CALN1: variants seen among roughly 807,000 people sequenced by gnomAD.
The protein encoded by CALN1 is calneuron 1.
Under a neutral mutation model 30.6 loss-of-function variants are expected in CALN1, and 17 were observed. That is an observed-to-expected ratio of 0.56 (90% CI 0.38 to 0.83). The LOEUF is 0.83. Ranked by LOEUF, CALN1 falls within the 40% of genes least tolerant of loss-of-function variation. The probability of loss-of-function intolerance (pLI) is 0.00; values close to 1 mark genes in which losing one functional copy is unlikely to be tolerated. For missense variants in CALN1, 291 were observed against 354.9 expected, an observed-to-expected ratio of 0.82 and a Z score of 1.45; for synonymous variants, 156 against 131.4, an observed-to-expected ratio of 1.19 and a Z score of -1.28.
chr7:72,393,734 C>G (rs1379998016), intron 2 of CALN1, among the ~76,000 whole-genome samples: 1 of 144,792 alleles, frequency 6.9e-6, no homozygotes, highest in Non-Finnish European at 1.5e-5. Flanking sequence ...AGCTTATTGA[C>G]CATAGAGCTT....
chr7:72,125,527 A>T (rs935767405), intron 3 of CALN1, among the ~76,000 whole-genome samples: 1 of 152,172 alleles, frequency 6.6e-6, no homozygotes, highest in African/African-American at 2.4e-5. Flanking sequence ...TGCTACAGAA[A>T]TTTTTTTTAA....
chr7:72,289,935 G>A (rs962492605), intron 2 of CALN1, among the ~76,000 whole-genome samples: 7 of 151,434 alleles, frequency 4.6e-5, no homozygotes, highest in African/African-American at 7.3e-5. Context: ...ACAATTAGCC[G>A]GGCATAGTGG....
At chr7:71,950,683 C>T (rs1796645315) in intron 5 of CALN1, among the ~76,000 whole-genome samples, 2 of 152,154 alleles carry the variant, frequency 1.3e-5, no homozygotes, top group African/African-American at 2.4e-5. Context: ...TCAGAACACA[C>T]CTCTTTAAAC....
At position 72,065,717 on chromosome 7, in the gene CALN1, C is replaced by T. The variant is rs538310923; in HGVS notation, c.388+40434G>A. The stretch of plus-strand genomic sequence containing the variant: ...GACCAGCCTGGCCAATGTGGTGAAA[C>T]CCCATCTCCACTAAAAATACAAAAA... On this transcript the variant is annotated intron_variant, in intron 4 of 6. Transcript: ENST00000395275. 2.6e-5 allele frequency among the ~76,000 whole-genome samples: 4 copies of T among 152,070 alleles called. No individual in the cohort carries two copies. The East Asian group carries it at 5.8e-4, about 22-fold the overall frequency.
intron 4 of CALN1, among the ~76,000 whole-genome samples, chr7:72,067,035 C>T (rs1176573719): frequency 6.6e-6 from 1 of 151,750 alleles, no homozygotes; most frequent in Non-Finnish European, 1.5e-5. Context: ...GCAATCCACC[C>T]ACCTCGGCCT....
chr7:72,175,567 T>C (rs1300209422), intron 3 of CALN1, among the ~76,000 whole-genome samples: 3 of 152,074 alleles, frequency 2.0e-5, no homozygotes, highest in Non-Finnish European at 4.4e-5. Context: ...GCAAACTTCA[T>C]CTGGGGATAG....
At chr7:71,834,945 C>T (rs1789518829) in intron 5 of CALN1, among the ~76,000 whole-genome samples, 5 of 152,184 alleles carry the variant, frequency 3.3e-5, no homozygotes, top group Admixed American at 3.3e-4. Context: ...AATCCTCCCA[C>T]CTCAGCCTTT....
At chr7:72,228,496 T>C (rs1164370076) in intron 3 of CALN1, among the ~76,000 whole-genome samples, 3 of 151,812 alleles carry the variant, frequency 2.0e-5, no homozygotes, top group Admixed American at 6.6e-5. Context: ...TGCAGGTAAT[T>C]TGATGGTATA....
chr7:72,247,107 T>TG (rs1795221504), intron 3 of CALN1, among the ~76,000 whole-genome samples: 1 of 151,754 alleles, frequency 6.6e-6, no homozygotes, highest in Non-Finnish European at 1.5e-5. Flanking sequence ...GTATGCCCTG[T>TG]GGCCACCTTC....
At chr7:72,475,341 G>A in the CALN1 span, among the ~76,000 whole-genome samples, 1 of 152,128 alleles carries the variant, frequency 6.6e-6, no homozygotes, top group African/African-American at 2.4e-5. Flanking sequence ...TGTAGTCCCA[G>A]CTATTCAGGA....
At chr7:72,334,334 G>A (rs1801866150) in intron 2 of CALN1, among the ~76,000 whole-genome samples, 1 of 152,200 alleles carries the variant, frequency 6.6e-6, no homozygotes, top group Admixed American at 6.5e-5. Context: ...CACCACAACA[G>A]AAGGAAGGAC....
At chr7:71,938,088 C>T (rs536698831) in intron 5 of CALN1, among the ~76,000 whole-genome samples, 1 of 152,260 alleles carries the variant, frequency 6.6e-6, no homozygotes, top group African/African-American at 2.4e-5. Flanking sequence ...GGGCAAGTTC[C>T]CAAGAGTATC....
At chr7:72,459,194 G>A in the CALN1 span, among the ~76,000 whole-genome samples, 1 of 151,890 alleles carries the variant, frequency 6.6e-6, no homozygotes, top group Admixed American at 6.6e-5. Context: ...ATGAACCACC[G>A]CGCCTGGTCG....
At chr7:71,835,768 C>T (rs1789562916) in intron 5 of CALN1, among the ~76,000 whole-genome samples, 1 of 152,170 alleles carries the variant, frequency 6.6e-6, no homozygotes. Flanking sequence ...AGAAGAAACA[C>T]ACCGACCCCA....
intron 3 of CALN1, among the ~76,000 whole-genome samples, chr7:72,220,181 TCCCTCCC>T (rs1793174994): frequency 8.9e-6 from 1 of 111,842 alleles, no homozygotes; most frequent in Non-Finnish European, 1.8e-5. Flanking sequence ...CCAAATGCTA[TCCCTCCC>T]CCCTCCCCCC....
chr7:72,463,983 A>G, the CALN1 span, among the ~76,000 whole-genome samples: 21 of 105,920 alleles, frequency 2.0e-4, no homozygotes, highest in African/African-American at 6.7e-4. Context: ...AAGGAAGGGA[A>G]GGAGGGAGGG....
chr7:72,021,086 C>A (rs966697070), intron 5 of CALN1, among the ~76,000 whole-genome samples: 1 of 151,978 alleles, frequency 6.6e-6, no homozygotes, highest in African/African-American at 2.4e-5. Flanking sequence ...GCCTGGGCAA[C>A]ATAGCAAGAC....
chr7:72,037,857 T>A (rs1210494051), intron 4 of CALN1, among the ~76,000 whole-genome samples: 1 of 152,216 alleles, frequency 6.6e-6, no homozygotes, highest in Non-Finnish European at 1.5e-5. Flanking sequence ...TGGGCCTGTG[T>A]AGTCACTTTC....
intron 2 of CALN1, among the ~76,000 whole-genome samples, chr7:72,287,546 A>G (rs953922663): frequency 7.3e-6 from 1 of 137,518 alleles, no homozygotes; most frequent in Non-Finnish European, 1.5e-5. Context: ...TCCTGGGTTC[A>G]TGCCATTCTC....
Sources: gnomAD v4.1 joint callset for allele counts (sites outside exome capture counted in the v4.1 genomes callset) on GRCh38, gnomAD v4.1.1 for gene constraint, MANE v1.5 for transcripts, NCBI Gene and HGNC (gene_info 2026-07-23, HGNC 2026-07-21) for gene names.